The following PRDM11 variants were observed in gnomAD, a reference collection of about 807,000 sequenced individuals.
The protein encoded by PRDM11 is PR/SET domain 11.
A neutral mutation model predicts 97.8 loss-of-function variants in PRDM11; 20 were observed. That is an observed-to-expected ratio of 0.20 (90% CI 0.14 to 0.30). The LOEUF (loss-of-function observed/expected upper bound fraction) is 0.30. Among genes scored for constraint, PRDM11 ranks in the 10% least tolerant of loss-of-function variants. PRDM11 has a pLI of 1.00. For missense variants in PRDM11, 1,139 were observed against 1,555.2 expected, an observed-to-expected ratio of 0.73 and a Z score of 4.50; for synonymous variants, 599 against 637.7, an observed-to-expected ratio of 0.94 and a Z score of 0.91.
chr11:45,217,424 G>T (rs1302770843), intron 5 of PRDM11, among the ~76,000 whole-genome samples: 1 of 152,232 alleles, frequency 6.6e-6, no homozygotes, highest in Non-Finnish European at 1.5e-5. Flanking sequence ...ACACCGATGT[G>T]TTGGGGCTAA....
chr11:45,205,516 A>T (rs565319439), intron 5 of PRDM11, among the ~76,000 whole-genome samples: 1 of 151,996 alleles, frequency 6.6e-6, no homozygotes, highest in East Asian at 1.9e-4. Flanking sequence ...TCTGGGACCT[A>T]GGAGCACTGG....
chr11:45,115,605 A>C (rs1472290521), intron 1 of PRDM11, among the ~76,000 whole-genome samples: 1 of 152,184 alleles, frequency 6.6e-6, no homozygotes, highest in African/African-American at 2.4e-5. Context: ...AAGGTATAAG[A>C]AGACAAAAAG....
intron 1 of PRDM11, among the ~76,000 whole-genome samples, chr11:45,103,728 T>C (rs1852017529): frequency 6.8e-6 from 1 of 148,074 alleles, no homozygotes; most frequent in South Asian, 2.1e-4. Flanking sequence ...TATGTAATAC[T>C]ATATATAGTA....
At chr11:45,147,025 G>A (rs956336454) in intron 1 of PRDM11, 148 bp downstream of exon 1, 5 of 146,038 alleles carry the variant, frequency 3.4e-5, no homozygotes, top group African/African-American at 7.4e-5. Context: ...CGCGGGCGCG[G>A]GGCGGGGGTC....
At chr11:45,137,429 CAAAAAAA>C (rs143576245) in intron 1 of PRDM11, among the ~76,000 whole-genome samples, 1 of 140,270 alleles carries the variant, frequency 7.1e-6, no homozygotes, top group Non-Finnish European at 1.6e-5. Flanking sequence ...GACTCCGTCT[CAAAAAAA>C]AAAAGAAAAA....
At chr11:45,133,538 CCTG>C (rs1266306542) in intron 1 of PRDM11, among the ~76,000 whole-genome samples, 1 of 152,208 alleles carries the variant, frequency 6.6e-6, no homozygotes, top group Non-Finnish European at 1.5e-5. Flanking sequence ...ATGCCTGAAG[CCTG>C]ACCCAGATTT....
At chr11:45,147,731 G>C (rs780165532) in intron 1 of PRDM11, 6 of 152,298 alleles carry the variant, frequency 3.9e-5, no homozygotes, top group African/African-American at 9.6e-5. Flanking sequence ...CTAGAGCCCA[G>C]TTGGGAGATG....
chr11:45,106,676 G>A (rs1852066804), intron 1 of PRDM11, among the ~76,000 whole-genome samples: 1 of 152,178 alleles, frequency 6.6e-6, no homozygotes, highest in Non-Finnish European at 1.5e-5. Context: ...GTCTGAGGCC[G>A]ACACGGGCTG....
rs540390407 is a variant in PRDM11, at chr11:45,176,450, T to C, written c.-6-5311T>C. On this transcript the variant is annotated intron_variant, in intron 1 of 7. Coordinates refer to ENST00000683152, the MANE Select transcript of PRDM11 (RefSeq NM_001384648.1). ...TTTTAAATATTAATAAAATGAATGA[T>C]AATATTTATAGGGTACTTACGATAG... Among the ~76,000 whole-genome samples the C allele has an allele frequency of 4.6e-5, 7 of 152,284 alleles. No homozygotes were observed. In the East Asian group the frequency reaches 1.2e-3, roughly 25 times the overall value.
In PRDM11 at chr11:45,182,241, G is replaced by A. The variant is rs1413850706; in HGVS notation, c.120-5G>A. 2.5e-6 allele frequency: 4 copies of A among 1,613,466 alleles called. No individual in the cohort carries two copies. Among genetic ancestry groups the A allele is most frequent in the Non-Finnish European group, 3.4e-6 (4 of 1,179,712 alleles). ...GCTTTCTTTGCGGGCCTCTGCCCTGGCCAGCTCTAGGAGACCGGACTCCTC... is the reference window on the plus strand; with the variant it reads ...GCTTTCTTTGCGGGCCTCTGCCCTGACCAGCTCTAGGAGACCGGACTCCTC... On this transcript the variant is annotated splice_region_variant and splice_polypyrimidine_tract_variant and intron_variant, in intron 2 of 7. Coordinates refer to ENST00000683152, the MANE Select transcript of PRDM11 (RefSeq NM_001384648.1).
chr11:45,201,334 A>C (rs1009765833), intron 4 of PRDM11, among the ~76,000 whole-genome samples: 1 of 152,320 alleles, frequency 6.6e-6, no homozygotes, highest in East Asian at 1.9e-4. Flanking sequence ...AAAATTCCTG[A>C]AAATTTAACA....
At chr11:45,216,794 C>A (rs894939210) in intron 5 of PRDM11, among the ~76,000 whole-genome samples, 2 of 152,148 alleles carry the variant, frequency 1.3e-5, no homozygotes, top group African/African-American at 4.8e-5. Context: ...TAGAAAAAGA[C>A]CAGAAGATGG....
intron 1 of PRDM11, among the ~76,000 whole-genome samples, chr11:45,106,549 G>A (rs966107789): frequency 6.6e-6 from 1 of 152,130 alleles, no homozygotes; most frequent in Non-Finnish European, 1.5e-5. Flanking sequence ...TTTGGAAAGG[G>A]CATCATGGAG....
At chr11:45,118,380 A>G (rs949174132) in intron 1 of PRDM11, among the ~76,000 whole-genome samples, 18 of 152,232 alleles carry the variant, frequency 1.2e-4, no homozygotes, top group African/African-American at 4.3e-4. Context: ...GGTGCATAGG[A>G]ACTCTGTACT....
chr11:45,201,782 A>T (rs1853335506), intron 4 of PRDM11, among the ~76,000 whole-genome samples: 1 of 151,994 alleles, frequency 6.6e-6, no homozygotes, highest in African/African-American at 2.4e-5. Flanking sequence ...CCTGGCTAAC[A>T]CGGTGAAACG....
At chr11:45,154,324 C>T (rs760468431) in intron 1 of PRDM11, among the ~76,000 whole-genome samples, 28 of 152,136 alleles carry the variant, frequency 1.8e-4, no homozygotes, top group Non-Finnish European at 3.5e-4. Flanking sequence ...CCACTGTACT[C>T]CTGCCTGGGA....
chr11:45,099,673 G>T (rs1272379159), intron 1 of PRDM11, among the ~76,000 whole-genome samples: 3 of 152,008 alleles, frequency 2.0e-5, no homozygotes, highest in Admixed American at 6.6e-5. Context: ...ATGGAGAGTG[G>T]GGTATCCATC....
chr11:45,191,080 G>T, intron 4 of PRDM11, among the ~76,000 whole-genome samples: 1 of 152,152 alleles, frequency 6.6e-6, no homozygotes, highest in East Asian at 1.9e-4. Flanking sequence ...GCATTTAGTT[G>T]TCACATCTCA....
Position 45,174,238 on chromosome 11 carries a change from T to A in PRDM11, c.-6-7523T>A, listed in dbSNP as rs1242730579. Among the ~76,000 whole-genome samples, 3 of 152,352 alleles carry A rather than the reference T, an allele frequency of 2.0e-5. No homozygotes were observed. In the East Asian group the frequency reaches 5.8e-4, roughly 29 times the overall value. ...TAGTTTGTCTATTCTCATTTCTGCA[T>A]AGTATTCTATCCACTGAATTTGGTG... On this transcript the variant is annotated intron_variant, in intron 1 of 7. Coordinates refer to ENST00000683152, the MANE Select transcript of PRDM11 (RefSeq NM_001384648.1).
Sources: allele counts gnomAD v4.1 joint callset (sites outside exome capture counted in the v4.1 genomes callset), GRCh38; gene constraint gnomAD v4.1.1; transcripts MANE v1.5; gene names NCBI Gene and HGNC (gene_info 2026-07-23, HGNC 2026-07-21).